The following XKR3 variants were observed in gnomAD, a reference collection of about 807,000 sequenced individuals.
XKR3 encodes the protein XK-related protein 3.
XKR3 carries 27 observed loss-of-function variants against 40.3 expected under a neutral mutation model. That is an observed-to-expected ratio of 0.67 (90% CI 0.49 to 0.92). The LOEUF (loss-of-function observed/expected upper bound fraction) is 0.92, where lower values mean the gene tolerates loss of function less well. Ranked by LOEUF, XKR3 falls within the 40% of genes least tolerant of loss-of-function variation. XKR3 has a pLI of 0.00. For missense variants in XKR3, 472 were observed against 537.6 expected (o/e 0.88, Z 1.21); for synonymous variants, 193 against 195.4 (o/e 0.99, Z 0.10).
At chr22:16,801,325 C>T (rs1236674453) in intron 2 of XKR3, among the ~76,000 whole-genome samples, 1 of 152,128 alleles carries the variant, frequency 6.6e-6, no homozygotes, top group Non-Finnish European at 1.5e-5. Context: ...GGGCGGATCC[C>T]TTGAGCTCAG....
At position 16,807,859 on chromosome 22, in the gene XKR3, C is replaced by A; in HGVS notation, c.215G>T (p.Ser72Ile). The stretch of plus-strand genomic sequence containing the variant: ...CAAAATTGCCCCCACAATAATAAAG[C>A]TGATGGTAAATGACATCCAGAATGT... ...NDTFWMSFTISFIIVGAILDQ... is the reference protein window; with the variant it reads ...NDTFWMSFTIIFIIVGAILDQ... Residue 72 changes from serine (S) to isoleucine (I), a missense_variant, in exon 2 of 4, where the codon AGC becomes ATC. Physicochemically the swap from Ser to Ile is moderately radical, Grantham distance 142 (BLOSUM62 -2). Transcript: ENST00000684488. The A allele has an allele frequency of 6.2e-7, 1 of 1,613,960 alleles. No homozygotes were observed. Among genetic ancestry groups the A allele is most frequent in the African/African-American group, 1.3e-5 (1 of 75,024 alleles).
At chr22:16,818,763 G>T (rs2060243877) in intron 1 of XKR3, among the ~76,000 whole-genome samples, 1 of 152,064 alleles carries the variant, frequency 6.6e-6, no homozygotes, top group Non-Finnish European at 1.5e-5. Flanking sequence ...ACCAGTGTCA[G>T]CAGAGTCCAA....
chr22:16,788,887 A>G (rs2060102559), intron 3 of XKR3, among the ~76,000 whole-genome samples: 1 of 148,880 alleles, frequency 6.7e-6, no homozygotes, highest in Non-Finnish European at 1.5e-5. Flanking sequence ...AATAAATAAC[A>G]AAATCTAGGT....
Position 16,800,039 on chromosome 22 carries a change from T to C in XKR3, c.336-15A>G, listed in dbSNP as rs763828328. The stretch of plus-strand genomic sequence containing the variant: ...TGTGCAAACACCTGTTAACATGAAG[T>C]AACATCCAAGATTAACATTTATTGG... On this transcript the variant is annotated splice_polypyrimidine_tract_variant and intron_variant, in intron 2 of 3. Coordinates refer to ENST00000684488, the MANE Select transcript of XKR3 (RefSeq NM_001386955.1). 6.2e-7 allele frequency: 1 copy of C among 1,609,534 alleles called. No homozygotes were observed. Among genetic ancestry groups the C allele is most frequent in the Non-Finnish European group, 8.5e-7 (1 of 1,177,092 alleles).
intron 2 of XKR3, among the ~76,000 whole-genome samples, chr22:16,805,113 G>A (rs895919248): frequency 2.0e-5 from 3 of 152,040 alleles, no homozygotes; most frequent in African/African-American, 7.2e-5. Flanking sequence ...GATGTGAAAG[G>A]CAAACAGATT....
intron 1 of XKR3, among the ~76,000 whole-genome samples, chr22:16,822,385 TAA>T (rs200544022): frequency 2.2e-5 from 2 of 90,276 alleles, no homozygotes; most frequent in Non-Finnish European, 4.8e-5. Context: ...AATAGGAAAT[TAA>T]AAAAATAAAT....
intron 1 of XKR3, among the ~76,000 whole-genome samples, chr22:16,811,278 G>T (rs1167103114): frequency 6.6e-6 from 1 of 151,770 alleles, no homozygotes; most frequent in African/African-American, 2.4e-5. Flanking sequence ...CCCACCACCC[G>T]ACCTGACTAC....
At chr22:16,796,381 T>C (rs1235374896) in intron 3 of XKR3, among the ~76,000 whole-genome samples, 1 of 152,190 alleles carries the variant, frequency 6.6e-6, no homozygotes. Context: ...AGCATCAGCC[T>C]GATACCAAAA....
At chr22:16,800,627 T>C (rs1338087508) in intron 2 of XKR3, among the ~76,000 whole-genome samples, 1 of 152,156 alleles carries the variant, frequency 6.6e-6, no homozygotes, top group Non-Finnish European at 1.5e-5. Flanking sequence ...CACAGGTAAG[T>C]GATAAAAACA....
intron 3 of XKR3, among the ~76,000 whole-genome samples, chr22:16,795,510 G>A (rs1312000859): frequency 2.6e-5 from 4 of 152,002 alleles, no homozygotes; most frequent in South Asian, 4.2e-4. Flanking sequence ...GAGGGAGGGG[G>A]AACCAACACC....
At position 16,807,766 on chromosome 22, in the gene XKR3, T is replaced by C. The variant is rs2060195723; in HGVS notation, c.308A>G (p.His103Arg). 1 of 1,607,448 alleles carries C rather than the reference T, an allele frequency of 6.2e-7. No homozygotes were observed. Among genetic ancestry groups the C allele is most frequent in the African/African-American group, 1.3e-5 (1 of 74,534 alleles). Reference protein sequence around the residue: ...RRNKAALLFWHILLLGPIVRC... With the variant: ...RRNKAALLFWRILLLGPIVRC... ...CACAATAGGTCCTAAAAGAAGAATGTGCCAAAAAAGTAATGCAGCCTTATT... is the reference window on the plus strand; with the variant it reads ...CACAATAGGTCCTAAAAGAAGAATGCGCCAAAAAAGTAATGCAGCCTTATT... The change falls in exon 2 of 4, where the codon CAC becomes CGC. Residue 103 changes from histidine to arginine, a missense_variant. His to Arg is a conservative substitution (Grantham distance 29, BLOSUM62 0). Coordinates refer to ENST00000684488, the MANE Select transcript of XKR3 (RefSeq NM_001386955.1).
intron 3 of XKR3, among the ~76,000 whole-genome samples, chr22:16,791,617 A>C (rs1232109021): frequency 4.7e-4 from 72 of 151,978 alleles, no homozygotes; most frequent in African/African-American, 1.6e-3. Context: ...TCCATGTTAT[A>C]TATATACTTC....
chr22:16,788,803 T>C (rs1401275924), intron 3 of XKR3, among the ~76,000 whole-genome samples: 2 of 152,022 alleles, frequency 1.3e-5, no homozygotes, highest in Non-Finnish European at 2.9e-5. Flanking sequence ...TTTTCCATGA[T>C]CAAGTGAGAT....
intron 1 of XKR3, among the ~76,000 whole-genome samples, chr22:16,813,817 A>G (rs2060222581): frequency 6.6e-6 from 1 of 152,166 alleles, no homozygotes; most frequent in African/African-American, 2.4e-5. Context: ...CAATTTTTCC[A>G]TATATTCACC....
At chr22:16,823,377 C>T (rs1232475070) in intron 1 of XKR3, among the ~76,000 whole-genome samples, 1 of 152,152 alleles carries the variant, frequency 6.6e-6, no homozygotes, top group East Asian at 1.9e-4. Context: ...TCATGACCAC[C>T]ATCATCATTT....
chr22:16,785,617 C>G (rs1454130207), intron 3 of XKR3, among the ~76,000 whole-genome samples: 55 of 152,252 alleles, frequency 3.6e-4, no homozygotes, highest in African/African-American at 1.3e-3. Context: ...GTAATCCCAG[C>G]ACTTTGGGAT....
At chr22:16,818,600 AACT>A in intron 1 of XKR3, among the ~76,000 whole-genome samples, 1 of 152,264 alleles carries the variant, frequency 6.6e-6, no homozygotes, top group Middle Eastern at 3.4e-3. Flanking sequence ...ACAGAAAAAA[AACT>A]ACTACTTCAG....
In XKR3 at chr22:16,783,714, T is replaced by C; in HGVS notation, c.1285A>G (p.Thr429Ala). The change falls in exon 4 of 4, where the codon ACT (threonine) becomes GCT (alanine). Residue 429 changes from threonine to alanine, a missense_variant. Physicochemically the swap from Thr to Ala is moderately conservative, Grantham distance 58. Coordinates refer to ENST00000684488, the MANE Select transcript of XKR3 (RefSeq NM_001386955.1). ...APYYYVNIEK[T>A]EKNKNKQLRN... ...AGCTGCTTATTTTTATTCTTTTCAGTTTTCTCGATGTTTACATAATAGTAC... is the reference window on the plus strand; with the variant it reads ...AGCTGCTTATTTTTATTCTTTTCAGCTTTCTCGATGTTTACATAATAGTAC... 1 of 1,614,060 alleles carries C rather than the reference T, an allele frequency of 6.2e-7. No individual in the cohort carries two copies. Among genetic ancestry groups the C allele is most frequent in the Non-Finnish European group, 8.5e-7 (1 of 1,180,010 alleles).
At chr22:16,789,694 G>A (rs2146142467) in intron 3 of XKR3, among the ~76,000 whole-genome samples, 1 of 151,888 alleles carries the variant, frequency 6.6e-6, no homozygotes, top group South Asian at 2.1e-4. Context: ...TGAAACCGCA[G>A]AAAAAAAACC....
Sources: gnomAD v4.1 joint callset for allele counts (sites outside exome capture counted in the v4.1 genomes callset) on GRCh38, gnomAD v4.1.1 for gene constraint, MANE v1.5 for transcripts, NCBI Gene and HGNC (gene_info 2026-07-23, HGNC 2026-07-21) for gene names.